The following GALNT17 variants were observed in gnomAD, a reference collection of about 807,000 sequenced individuals.
GALNT17 encodes the protein polypeptide N-acetylgalactosaminyltransferase 17.
A neutral mutation model predicts 63.7 loss-of-function variants in GALNT17; 29 were observed. The ratio of observed to expected loss-of-function variants is 0.46; its 90% CI spans 0.34 to 0.62. The LOEUF is 0.62. Among genes scored for constraint, GALNT17 ranks in the 20% least tolerant of loss-of-function variants. The pLI is 0.01. For synonymous variants in GALNT17, 305 were observed against 318.3 expected, an observed-to-expected ratio of 0.96 and a Z score of 0.45; for missense variants, 603 against 799.6, an observed-to-expected ratio of 0.75 and a Z score of 2.97.
intron 6 of GALNT17, among the ~76,000 whole-genome samples, chr7:71,587,243 G>A (rs1789732838): frequency 1.3e-5 from 2 of 151,998 alleles, no homozygotes; most frequent in South Asian, 2.1e-4. Context: ...GGCCAGGCTG[G>A]TCTCGAACTT....
intron 5 of GALNT17, among the ~76,000 whole-genome samples, chr7:71,486,644 C>T (rs1309271396): frequency 6.6e-6 from 1 of 151,054 alleles, no homozygotes; most frequent in Non-Finnish European, 1.5e-5. Context: ...TTGCTTGAGC[C>T]CAGCAGTTCA....
chr7:71,616,562 C>G (rs1202068087), intron 6 of GALNT17, among the ~76,000 whole-genome samples: 1 of 144,952 alleles, frequency 6.9e-6, no homozygotes, highest in Non-Finnish European at 1.5e-5. Flanking sequence ...TTACATATAA[C>G]TATATAATCT....
chr7:71,141,924 G>T (rs1239538858), intron 1 of GALNT17, among the ~76,000 whole-genome samples: 1 of 146,408 alleles, frequency 6.8e-6, no homozygotes, highest in East Asian at 2.0e-4. Flanking sequence ...ATATTGACCA[G>T]CCTGGTCTTG....
intron 1 of GALNT17, among the ~76,000 whole-genome samples, chr7:71,245,465 G>A (rs528877752): frequency 6.6e-6 from 1 of 152,250 alleles, no homozygotes; most frequent in African/African-American, 2.4e-5. Flanking sequence ...TTGTCCTTGG[G>A]ATGTTTGGAA....
intron 5 of GALNT17, among the ~76,000 whole-genome samples, chr7:71,542,567 G>A (rs183232913): frequency 3.3e-5 from 5 of 151,918 alleles, no homozygotes; most frequent in Admixed American, 2.0e-4. Flanking sequence ...GTGGTGGCAC[G>A]TGCCTGTAGT....
chr7:71,338,475 G>A (rs1248754886), intron 2 of GALNT17, among the ~76,000 whole-genome samples: 1 of 152,076 alleles, frequency 6.6e-6, no homozygotes, highest in African/African-American at 2.4e-5. Flanking sequence ...GTAAGCCATC[G>A]TGGCACCACT....
intron 1 of GALNT17, among the ~76,000 whole-genome samples, chr7:71,158,102 C>A (rs1350531832): frequency 6.6e-6 from 1 of 150,856 alleles, no homozygotes; most frequent in Non-Finnish European, 1.5e-5. Context: ...GTGCAAATAT[C>A]TCTTTGATAT....
At chr7:71,711,094 C>G (rs1791785999) in intron 10 of GALNT17, among the ~76,000 whole-genome samples, 166 bp downstream of exon 10, 1 of 152,138 alleles carries the variant, frequency 6.6e-6, no homozygotes, top group African/African-American at 2.4e-5. Flanking sequence ...CTGGGGGCAG[C>G]TGTGGAGTTT....
intron 8 of GALNT17, among the ~76,000 whole-genome samples, chr7:71,673,276 T>G (rs1200215355): frequency 6.6e-6 from 1 of 152,238 alleles, no homozygotes; most frequent in Non-Finnish European, 1.5e-5. Flanking sequence ...AGGAAATTTT[T>G]TTTTAATTTA....
chr7:71,694,852 A>T (rs1791516549), intron 9 of GALNT17, among the ~76,000 whole-genome samples: 1 of 152,186 alleles, frequency 6.6e-6, no homozygotes, highest in Non-Finnish European at 1.5e-5. Context: ...CTAATGACAC[A>T]GCAAGGTCAG....
intron 2 of GALNT17, among the ~76,000 whole-genome samples, chr7:71,368,629 ATATATTT>A (rs1419088335): frequency 2.0e-5 from 3 of 152,108 alleles, no homozygotes; most frequent in African/African-American, 7.2e-5. Flanking sequence ...TGATTTACAT[ATATATTT>A]TTTTCTTAAG....
At chr7:71,589,312 T>C (rs1417276559) in intron 6 of GALNT17, among the ~76,000 whole-genome samples, 1 of 152,272 alleles carries the variant, frequency 6.6e-6, no homozygotes, top group Non-Finnish European at 1.5e-5. Flanking sequence ...GCACAGTGGC[T>C]CACACCTGTA....
intron 1 of GALNT17, among the ~76,000 whole-genome samples, chr7:71,237,455 C>T (rs1032381885): frequency 4.1e-5 from 6 of 145,722 alleles, no homozygotes; most frequent in East Asian, 2.0e-4. Flanking sequence ...CAAGGCAGAT[C>T]GCTTGAGGCC....
At chr7:71,184,717 G>A (rs1788798938) in intron 1 of GALNT17, among the ~76,000 whole-genome samples, 1 of 152,186 alleles carries the variant, frequency 6.6e-6, no homozygotes, top group African/African-American at 2.4e-5. Flanking sequence ...TATTATTAAA[G>A]ACCCATGTTA....
At chr7:71,563,539 C>A (rs934515205) in intron 5 of GALNT17, among the ~76,000 whole-genome samples, 1 of 152,042 alleles carries the variant, frequency 6.6e-6, no homozygotes, top group Non-Finnish European at 1.5e-5. Context: ...CCACTGAGCT[C>A]GCCAGCAACG....
chr7:71,431,964 C>T (rs1055691304), intron 5 of GALNT17, among the ~76,000 whole-genome samples: 5 of 152,120 alleles, frequency 3.3e-5, no homozygotes, highest in African/African-American at 1.2e-4. Flanking sequence ...CACCTGAGGT[C>T]AGGAATTCAA....
chr7:71,330,055 C>G lies in GALNT17; in HGVS notation c.239-5495C>G, dbSNP rs2116057942. Among the ~76,000 whole-genome samples, 3 of 151,966 alleles carry G rather than the reference C, an allele frequency of 2.0e-5. 1 individual carries two copies. ...TGAGATAGAGTCTTGCTCTGTTGCCCAGGCTGGAGTGCAGTGGTGTGGTCT... is the reference window on the plus strand; with the variant it reads ...TGAGATAGAGTCTTGCTCTGTTGCCGAGGCTGGAGTGCAGTGGTGTGGTCT... On this transcript the variant is annotated intron_variant, in intron 1 of 10. Transcript: ENST00000333538.
intron 6 of GALNT17, among the ~76,000 whole-genome samples, chr7:71,648,060 A>G (rs1399007293): frequency 6.6e-6 from 1 of 152,034 alleles, no homozygotes; most frequent in Non-Finnish European, 1.5e-5. Flanking sequence ...ATTATCTCCA[A>G]CCTGCCCCTC....
In GALNT17 at chr7:71,161,009, AT is replaced by A. The variant is rs113875313; in HGVS notation, c.238+27979del. ...CCACTATGCCTGGCTAATTAAAACA[AT>A]TTTTTTTTTCCGTAGAGATAGGGTC... is the stretch of plus-strand genomic sequence containing the variant. On this transcript the variant is annotated intron_variant, in intron 1 of 10. Transcript: ENST00000333538. Among the ~76,000 whole-genome samples the A allele has an allele frequency of 9.3e-5, 14 of 149,810 alleles. No individual in the cohort carries two copies. The South Asian group carries it at 1.9e-3, about 20-fold the overall frequency.
Sources: allele counts gnomAD v4.1 joint callset (sites outside exome capture counted in the v4.1 genomes callset), GRCh38; gene constraint gnomAD v4.1.1; transcripts MANE v1.5; gene names NCBI Gene and HGNC (gene_info 2026-07-23, HGNC 2026-07-21).